Variants in PTPRN2 observed in about 807,000 individuals in gnomAD.
PTPRN2 encodes the protein receptor-type tyrosine-protein phosphatase N2.
In PTPRN2, 74 loss-of-function variants were observed where a neutral mutation model predicts 118.8. That is an observed-to-expected ratio of 0.62 (90% CI 0.52 to 0.76). The LOEUF is 0.76. Ranked by LOEUF, PTPRN2 falls within the 30% of genes least tolerant of loss-of-function variation. PTPRN2 has a pLI of 0.00. For synonymous variants in PTPRN2, 641 were observed against 608.0 expected, an observed-to-expected ratio of 1.05 and a Z score of -0.80; for missense variants, 1,481 against 1,394.4, an observed-to-expected ratio of 1.06 and a Z score of -0.99.
chr7:158,204,917 A>C (rs1279933477), intron 4 of PTPRN2, among the ~76,000 whole-genome samples: 8 of 152,226 alleles, frequency 5.3e-5, no homozygotes, highest in Non-Finnish European at 1.2e-4. Flanking sequence ...TTGAAGATGC[A>C]GGATTTTTCT....
At chr7:157,778,425 T>A (rs1020552016) in intron 12 of PTPRN2, among the ~76,000 whole-genome samples, 1 of 151,692 alleles carries the variant, frequency 6.6e-6, no homozygotes, top group Non-Finnish European at 1.5e-5. Context: ...AATACAGGCA[T>A]CAAATGCCCA....
rs1380755700 is a variant in PTPRN2, at chr7:158,477,669, T to A, written c.163+12066A>T. Among the ~76,000 whole-genome samples the A allele has an allele frequency of 5.3e-5, 8 of 152,240 alleles. 1 individual carries two copies. The highest frequency in any genetic ancestry group is 4.6e-4 in the Admixed American group (7 of 15,290). ...TGATTTTAAAGAATGTGCTGAATTT[T>A]CTATTAAAGCAAAAAACTCTTTGAC... On this transcript the variant is annotated intron_variant, in intron 2 of 22. Coordinates refer to ENST00000389418, the MANE Select transcript of PTPRN2 (RefSeq NM_002847.5).
At chr7:158,143,220 A>G (rs1819550297) in intron 6 of PTPRN2, among the ~76,000 whole-genome samples, 1 of 152,200 alleles carries the variant, frequency 6.6e-6, no homozygotes, top group Non-Finnish European at 1.5e-5. Flanking sequence ...CGGGAGGAAG[A>G]GCTGTGTCTG....
chr7:158,016,318 C>T (rs1806452575), intron 11 of PTPRN2, among the ~76,000 whole-genome samples: 1 of 152,194 alleles, frequency 6.6e-6, no homozygotes, highest in South Asian at 2.1e-4. Context: ...TAGACCCCGT[C>T]CTGTGCCCCG....
chr7:157,936,224 GTC>G (rs1459487835), intron 11 of PTPRN2, among the ~76,000 whole-genome samples: 1 of 152,234 alleles, frequency 6.6e-6, no homozygotes, highest in Non-Finnish European at 1.5e-5. Context: ...GCCACTGGAG[GTC>G]TGAATTGATT....
chr7:158,157,594 ACTGCCAGCCACACGCAGGTCCGAGG>A (rs1279025887), intron 6 of PTPRN2, among the ~76,000 whole-genome samples: 1 of 152,146 alleles, frequency 6.6e-6, no homozygotes, highest in Non-Finnish European at 1.5e-5. Context: ...CAGGTCCGGG[ACTGCCAGCCACACGCAGGTCCGAGG>A]CTGCCAGCCA....
chr7:157,551,234 C>G (rs1269654858), intron 21 of PTPRN2, among the ~76,000 whole-genome samples: 1 of 152,118 alleles, frequency 6.6e-6, no homozygotes, highest in Admixed American at 6.5e-5. Context: ...CAGAAATGCC[C>G]ATATTGTCTG....
rs889664208 is a variant in PTPRN2, at chr7:157,964,891, C to T, written c.1724-66154G>A. ...TCGCCAGGGCTTTGGTTTGTGAGTG[C>T]CCTGCACTCTGTCAGTTGGGCCATG... On this transcript the variant is annotated intron_variant, in intron 11 of 22. Coordinates refer to ENST00000389418, the MANE Select transcript of PTPRN2 (RefSeq NM_002847.5). The surrounding 1 kb of genome is among the most constrained non-coding windows in gnomAD (Gnocchi z 9.0). 2.6e-5 allele frequency among the ~76,000 whole-genome samples: 4 copies of T among 152,212 alleles called. No homozygotes were observed. The highest frequency in any genetic ancestry group is 1.3e-4 in the Admixed American group (2 of 15,288).
chr7:158,006,336 T>A (rs1262657601), intron 11 of PTPRN2, among the ~76,000 whole-genome samples: 10 of 152,234 alleles, frequency 6.6e-5, no homozygotes, highest in Admixed American at 6.5e-4. Flanking sequence ...GTCCAAATCA[T>A]GTTTGCTCCT....
intron 5 of PTPRN2, among the ~76,000 whole-genome samples, chr7:158,185,314 A>G (rs913856042): frequency 2.0e-5 from 3 of 152,214 alleles, no homozygotes; most frequent in Non-Finnish European, 4.4e-5. Context: ...CTCAAAAAGA[A>G]TGTGTGTTTA....
intron 6 of PTPRN2, among the ~76,000 whole-genome samples, chr7:158,150,831 G>A (rs563308978): frequency 2.6e-5 from 4 of 151,984 alleles, no homozygotes; most frequent in African/African-American, 7.2e-5. Context: ...CATGATGGTT[G>A]CACCCCAGCC....
intron 12 of PTPRN2, among the ~76,000 whole-genome samples, chr7:157,809,405 C>T (rs113743940): frequency 2.8e-5 from 4 of 141,666 alleles, no homozygotes; most frequent in Non-Finnish European, 3.1e-5. Flanking sequence ...GAAGGAGCCC[C>T]GCGCCACCCC....
chr7:158,070,019 A>G (rs1349306750), intron 11 of PTPRN2, among the ~76,000 whole-genome samples: 1 of 152,160 alleles, frequency 6.6e-6, no homozygotes, highest in African/African-American at 2.4e-5. Flanking sequence ...CAAGTTCTAA[A>G]CTCCAAGCTC....
chr7:157,648,158 G>T (rs867252784), intron 14 of PTPRN2, among the ~76,000 whole-genome samples: 1 of 43,798 alleles, frequency 2.3e-5, no homozygotes, highest in Non-Finnish European at 4.7e-5. Flanking sequence ...TCGGTGGGTC[G>T]GACCCATCCA....
chr7:157,568,822 G>A, intron 21 of PTPRN2, 80 bp downstream of exon 21: 1 of 1,441,796 alleles, frequency 6.9e-7, no homozygotes, highest in African/African-American at 1.4e-5. Context: ...AGGGCCTCCC[G>A]TGAACACGGC....
intron 2 of PTPRN2, among the ~76,000 whole-genome samples, chr7:158,389,909 G>A (rs1200587609): frequency 1.3e-5 from 2 of 152,212 alleles, no homozygotes; most frequent in Non-Finnish European, 2.9e-5. Context: ...CAGGGCCCTG[G>A]CCCAAGACGC....
chr7:158,089,927 A>G lies in PTPRN2; in HGVS notation c.1644-8550T>C, dbSNP rs183228787. ...CAAACCTGTCTTCCCCTGACGAAAGAGGGAGTCTTCACACAAACCCTTCCT... is the reference window on the plus strand; with the variant it reads ...CAAACCTGTCTTCCCCTGACGAAAGGGGGAGTCTTCACACAAACCCTTCCT... On this transcript the variant is annotated intron_variant, in intron 10 of 22. Coordinates refer to ENST00000389418, the MANE Select transcript of PTPRN2 (RefSeq NM_002847.5). 9.8e-5 allele frequency among the ~76,000 whole-genome samples: 4 copies of G among 40,962 alleles called. 1 individual carries two copies. The highest frequency in any genetic ancestry group is 2.3e-3 in the East Asian group (1 of 438). 26.9% of individuals were successfully genotyped at this position (40,962 alleles called of 152,430 possible).
At position 157,603,516 on chromosome 7, in the gene PTPRN2, G is replaced by A. The variant is rs1422343371; in HGVS notation, c.2418+486C>T. ...CAGGGGGAGGAACAGCCAGCAAACG[G>A]TCTCTTTCATAAGAAACAGGGTCCC... On this transcript the variant is annotated intron_variant, in intron 16 of 22. Transcript: ENST00000389418. This position sits in a 1 kb window ranked among gnomAD's most constrained non-coding sequence, Gnocchi z 5.4. Among the ~76,000 whole-genome samples the A allele has an allele frequency of 1.3e-5, 2 of 152,156 alleles. No homozygotes were observed. The highest frequency in any genetic ancestry group is 2.4e-5 in the African/African-American group (1 of 41,430).
intron 13 of PTPRN2, among the ~76,000 whole-genome samples, chr7:157,680,445 T>A (rs574448794): frequency 6.6e-6 from 1 of 152,252 alleles, no homozygotes; most frequent in Non-Finnish European, 1.5e-5. Context: ...CCAAGTGAGA[T>A]ATGGATACGT....
Sources: allele counts gnomAD v4.1 joint callset (sites outside exome capture counted in the v4.1 genomes callset), GRCh38; gene constraint gnomAD v4.1.1; non-coding constraint Gnocchi (gnomAD v3.1); transcripts MANE v1.5; gene names NCBI Gene and HGNC (gene_info 2026-07-23, HGNC 2026-07-21).